Variants in AMER2 observed in about 807,000 individuals in gnomAD.
AMER2 encodes family with sequence similarity 123A.
In AMER2, 1 loss-of-function variant was observed where a neutral mutation model predicts 4.7. That is an observed-to-expected ratio of 0.21 (90% confidence interval 0.07 to 1.00). The LOEUF (loss-of-function observed/expected upper bound fraction) is 1.00. AMER2 is among the 50% of genes least tolerant of loss of function. The pLI is 0.60. For missense variants in AMER2, 988 were observed against 966.9 expected (o/e 1.02, Z -0.29); for synonymous variants, 485 against 433.3 (o/e 1.12, Z -1.48).
chr13:25,171,305 G>A lies in AMER2; in HGVS notation c.315C>T (p.Thr105=). The A allele has an allele frequency of 6.3e-7, 1 of 1,593,274 alleles. No homozygotes were observed. The highest frequency in any genetic ancestry group is 1.4e-5 in the African/African-American group (1 of 72,090). Residue 105 remains threonine, a synonymous_variant, in exon 1 of 1, where the codon ACC becomes ACT. Transcript: ENST00000515384. This position sits in a 1 kb window ranked among gnomAD's most constrained non-coding sequence, Gnocchi z 5.9. ...SGPTGLVRSR[T]HDGLAEVLVL... is the part of the protein sequence containing the mutation. ...CCAGCACCTCGGCAAGTCCGTCGTG[G>A]GTCCTGCTCCTCACCAGCCCCGTCG...
rs1956495874 is a variant in AMER2 at position 25,167,679 on chromosome 13, A to G, written c.*1925T>C. 1 of 152,210 alleles carries G rather than the reference A, an allele frequency of 6.6e-6. No individual in the cohort carries two copies. The highest frequency in any genetic ancestry group is 2.1e-4 in the South Asian group (1 of 4,834). 9.4% of individuals were successfully genotyped at this position (152,210 alleles called of 1,614,324 possible). On this transcript the variant is annotated 3_prime_UTR_variant, in exon 1 of 1. Transcript: ENST00000515384. ...AACATTATGGATCTGAGACAATGCA[A>G]TAAAAGCCAGTCATATGACTAATGA...
In AMER2 at chr13:25,171,073, C is replaced by G. The variant is rs1956565378; in HGVS notation, c.547G>C (p.Ala183Pro). The change falls in exon 1 of 1, where the codon GCG becomes CCG. Residue 183 changes from alanine (A) to proline (P), a missense_variant. Ala to Pro is a conservative substitution (Grantham distance 27, BLOSUM62 -1). Transcript: ENST00000515384. The surrounding 1 kb of genome is among the most constrained non-coding windows in gnomAD (Gnocchi z 5.9). The stretch of plus-strand genomic sequence containing the variant: ...TTTTGTTTGCCGCCGGCCTTGCTCG[C>G]GTCCACAGGCTCTCCCTTGCCGTTT... Reference protein sequence around the residue: ...SENGKGEPVDASKAGGKQKRG... With the variant: ...SENGKGEPVDPSKAGGKQKRG... The G allele has an allele frequency of 1.9e-6, 3 of 1,576,690 alleles. No homozygotes were observed. The highest frequency in any genetic ancestry group is 2.6e-6 in the Non-Finnish European group (3 of 1,162,910).
At position 25,164,927 on chromosome 13, in the gene AMER2, C is replaced by G. The variant is rs1334242910; in HGVS notation, c.*4677G>C. 2.0e-5 allele frequency: 3 copies of G among 152,088 alleles called. No homozygotes were observed. Among genetic ancestry groups the G allele is most frequent in the African/African-American group, 4.8e-5 (2 of 41,400 alleles). 9.4% of individuals were successfully genotyped at this position (152,088 alleles called of 1,614,324 possible). Reference sequence around the variant, plus strand: ...TGTTTTTAATGAATATTAAGAAAATCCAATTACAGCGCAGCTTAGGTGTGA... The same window carrying G: ...TGTTTTTAATGAATATTAAGAAAATGCAATTACAGCGCAGCTTAGGTGTGA... On this transcript the variant is annotated 3_prime_UTR_variant, in exon 1 of 1. Coordinates refer to ENST00000515384, the MANE Select transcript of AMER2 (RefSeq NM_152704.4).
chr13:25,169,389 G>A lies in AMER2; in HGVS notation c.*215C>T, dbSNP rs1956519615. On this transcript the variant is annotated 3_prime_UTR_variant, in exon 1 of 1. Coordinates refer to ENST00000515384, the MANE Select transcript of AMER2 (RefSeq NM_152704.4). This position sits in a 1 kb window ranked among gnomAD's most constrained non-coding sequence, Gnocchi z 4.2. ...AAAATAATTCTCAGGGACTTATCTT[G>A]AGAGGAGAAACCCCCGTGTAGCATC... 2.0e-6 allele frequency: 1 copy of A among 489,694 alleles called. No individual in the cohort carries two copies. The highest frequency in any genetic ancestry group is 3.4e-6 in the Non-Finnish European group (1 of 292,974). 30.3% of individuals were successfully genotyped at this position (489,694 alleles called of 1,614,324 possible). A position where few individuals can be genotyped will look rare whatever the true frequency, so the allele number is the denominator to read the frequency against.
rs1956511046 is a variant in AMER2, at chr13:25,168,838, G to C, written c.*766C>G. On this transcript the variant is annotated 3_prime_UTR_variant, in exon 1 of 1. Coordinates refer to ENST00000515384, the MANE Select transcript of AMER2 (RefSeq NM_152704.4). The stretch of plus-strand genomic sequence containing the variant: ...TGATCCTGATTTCTGCACTGGGTGG[G>C]GGAAGAAACAAACAAAAGCAAAAGC... The C allele has an allele frequency of 6.6e-6, 1 of 152,572 alleles. No individual in the cohort carries two copies. Among genetic ancestry groups the C allele is most frequent in the Admixed American group, 6.5e-5 (1 of 15,280 alleles). The allele number at this position is 152,572 out of a possible 1,614,324, so 9.5% of individuals were successfully genotyped here.
chr13:25,170,375 C>CA lies in AMER2; in HGVS notation c.1244dup (p.Val416GlyfsTer44). ...CTTCCCCGCCTCCTTGGTAGGCCAC[C>CA]ACGCCGGGGTTCTTTTTAGACAGAG... On this transcript the variant is annotated frameshift_variant, in exon 1 of 1. Transcript: ENST00000515384. LOFTEE classifies it low-confidence loss of function (END_TRUNC). The surrounding 1 kb of genome is among the most constrained non-coding windows in gnomAD (Gnocchi z 7.3). 1 of 1,614,110 alleles carries CA rather than the reference C, an allele frequency of 6.2e-7. No individual in the cohort carries two copies. Among genetic ancestry groups the CA allele is most frequent in the Non-Finnish European group, 8.5e-7 (1 of 1,179,990 alleles).
rs770448396 is a variant in AMER2, at chr13:25,169,634, C to T, written c.1986G>A (p.Thr662=). 6.2e-7 allele frequency: 1 copy of T among 1,604,844 alleles called. No homozygotes were observed. Among genetic ancestry groups the T allele is most frequent in the Non-Finnish European group, 8.5e-7 (1 of 1,175,290 alleles). The change falls in exon 1 of 1, where the codon ACG becomes ACA. Residue 662 remains threonine (T), a synonymous_variant. Transcript: ENST00000515384. The surrounding 1 kb of genome is among the most constrained non-coding windows in gnomAD (Gnocchi z 4.2). ...RGLAGTTIRA[T]ACHDSAKKL Reference sequence around the variant, plus strand: ...ACTTTTTGGCACTGTCGTGGCAGGCCGTTGCTCTGATGGTGGTCCCAGCCA... The same window carrying T: ...ACTTTTTGGCACTGTCGTGGCAGGCTGTTGCTCTGATGGTGGTCCCAGCCA...
rs76240729 is a variant in AMER2 at position 25,169,107 on chromosome 13, GT to G, written c.*496del. ...AGCAAAGGGTTTTGTTTTTGTTTTT[GT>G]TTTTTTTTAACTGGAAAGGAAAGAG... On this transcript the variant is annotated 3_prime_UTR_variant, in exon 1 of 1. Coordinates refer to ENST00000515384, the MANE Select transcript of AMER2 (RefSeq NM_152704.4). The surrounding 1 kb of genome is among the most constrained non-coding windows in gnomAD (Gnocchi z 4.2). 3.3e-5 allele frequency: 5 copies of G among 151,470 alleles called. No individual in the cohort carries two copies. Among genetic ancestry groups the G allele is most frequent in the Non-Finnish European group, 5.9e-5 (4 of 67,868 alleles). The allele number at this position is 151,470 out of a possible 1,614,324, so 9.4% of individuals were successfully genotyped here. A position where few individuals can be genotyped will look rare whatever the true frequency, so the allele number is the denominator to read the frequency against.
At position 25,171,473 on chromosome 13, in the gene AMER2, A is replaced by G. The variant is rs1161089886; in HGVS notation, c.147T>C (p.Cys49=). Residue 49 remains cysteine (C), a synonymous_variant, in exon 1 of 1, where the codon TGT becomes TGC. Transcript: ENST00000515384. The surrounding 1 kb of genome is among the most constrained non-coding windows in gnomAD (Gnocchi z 5.9). ...LAADMDLHCD[C]AAETPAAEPP... Reference sequence around the variant, plus strand: ...GCTCGGCGGCCGGCGTTTCGGCGGCACAGTCACAATGCAAGTCCATGTCTG... The same window carrying G: ...GCTCGGCGGCCGGCGTTTCGGCGGCGCAGTCACAATGCAAGTCCATGTCTG... The G allele has an allele frequency of 3.1e-6, 5 of 1,609,926 alleles. No homozygotes were observed. Among genetic ancestry groups the G allele is most frequent in the Non-Finnish European group, 4.2e-6 (5 of 1,179,000 alleles).
Position 25,171,138 on chromosome 13 carries a change from T to A in AMER2, c.482A>T (p.His161Leu), listed in dbSNP as rs1008653352. The change falls in exon 1 of 1, where the codon CAC becomes CTC. Residue 161 changes from histidine (H) to leucine (L), a missense_variant. By Grantham distance (99) the His-to-Leu change is moderately conservative. Transcript: ENST00000515384. The surrounding 1 kb of genome is among the most constrained non-coding windows in gnomAD (Gnocchi z 5.9). ...CTTCTTCAGCAGCGAGAAGAAGCTG[T>A]GCGACTTGGCCACCGAGCTGCTGGC... ...SLASSSVAKSHSFFSLLKKNG... is the reference protein window; with the variant it reads ...SLASSSVAKSLSFFSLLKKNG... 6.4e-7 allele frequency: 1 copy of A among 1,551,220 alleles called. No individual in the cohort carries two copies. The highest frequency in any genetic ancestry group is 1.4e-5 in the African/African-American group (1 of 70,478).
In AMER2 at chr13:25,170,408, G is replaced by T. The variant is rs761050209; in HGVS notation, c.1212C>A (p.Gly404=). 6.5e-5 allele frequency: 105 copies of T among 1,614,016 alleles called. No homozygotes were observed. The highest frequency in any genetic ancestry group is 8.6e-5 in the Non-Finnish European group (101 of 1,180,032). ...PSCDKHVPGP[G]KPALSKKNPG... is the part of the protein sequence containing the mutation. ...GGTTCTTTTTAGACAGAGCCGGCTTGCCTGGCCCGGGGACATGCTTGTCAC... is the reference window on the plus strand; with the variant it reads ...GGTTCTTTTTAGACAGAGCCGGCTTTCCTGGCCCGGGGACATGCTTGTCAC... Residue 404 remains glycine, a synonymous_variant, in exon 1 of 1, where the codon GGC becomes GGA. Transcript: ENST00000515384. The surrounding 1 kb of genome is among the most constrained non-coding windows in gnomAD (Gnocchi z 7.3).
rs577335959 is a variant in AMER2 at position 25,169,467 on chromosome 13, C to T, written c.*137G>A. The T allele has an allele frequency of 9.6e-4, 1,178 of 1,221,540 alleles. 3 individuals carry two copies. In the Middle Eastern group the frequency reaches 0.02, roughly 21 times the overall value. 75.7% of individuals were successfully genotyped at this position (1,221,540 alleles called of 1,614,324 possible). Reference sequence around the variant, plus strand: ...CTCAGGGCACAAAGACCTCCTCGGTCCACGCTCTGGAGCAGGGCGGGGGAC... The same window carrying T: ...CTCAGGGCACAAAGACCTCCTCGGTTCACGCTCTGGAGCAGGGCGGGGGAC... On this transcript the variant is annotated 3_prime_UTR_variant, in exon 1 of 1. Coordinates refer to ENST00000515384, the MANE Select transcript of AMER2 (RefSeq NM_152704.4). This position sits in a 1 kb window ranked among gnomAD's most constrained non-coding sequence, Gnocchi z 4.2.
At position 25,166,183 on chromosome 13, in the gene AMER2, C is replaced by T. The variant is rs1334649324; in HGVS notation, c.*3421G>A. On this transcript the variant is annotated 3_prime_UTR_variant, in exon 1 of 1. Transcript: ENST00000515384. ...GTTATTACCTTCATAGATATTAAAC[C>T]CTTTGTATTTAAATAAGCAGATAAT... 6.6e-6 allele frequency: 1 copy of T among 151,982 alleles called. No individual in the cohort carries two copies. Among genetic ancestry groups the T allele is most frequent in the Non-Finnish European group, 1.5e-5 (1 of 68,008 alleles). 9.4% of individuals were successfully genotyped at this position (151,982 alleles called of 1,614,324 possible). A position where few individuals can be genotyped will look rare whatever the true frequency, so the allele number is the denominator to read the frequency against.
Position 25,171,207 on chromosome 13 carries a change from T to G in AMER2, c.413A>C (p.Asn138Thr), listed in dbSNP as rs562171876. 5 of 1,389,498 alleles carry G rather than the reference T, an allele frequency of 3.6e-6. No individual in the cohort carries two copies. Among genetic ancestry groups the G allele is most frequent in the Non-Finnish European group, 4.6e-6 (5 of 1,076,074 alleles). 86.1% of individuals were successfully genotyped at this position (1,389,498 alleles called of 1,614,324 possible). ...CCCTGCGGCTCTGGGGGGCCCCGGGTTCGGCCGCCCCCCGCCGCCCCCGCC... is the reference window on the plus strand; with the variant it reads ...CCCTGCGGCTCTGGGGGGCCCCGGGGTCGGCCGCCCCCCGCCGCCCCCGCC... ...DSGGGGGGRP[N>T]PGPPRAAGPG... Residue 138 changes from asparagine (N) to threonine (T), a missense_variant, in exon 1 of 1, where the codon AAC becomes ACC. Physicochemically the swap from Asn to Thr is moderately conservative, Grantham distance 65 (BLOSUM62 0). Transcript: ENST00000515384. The surrounding 1 kb of genome is among the most constrained non-coding windows in gnomAD (Gnocchi z 5.9).
Position 25,164,104 on chromosome 13 carries a change from C to CAAAAA in AMER2, c.*5495_*5499dup, listed in dbSNP as rs11286133. 9.8e-5 allele frequency: 6 copies of CAAAAA among 61,494 alleles called. No homozygotes were observed. The highest frequency in any genetic ancestry group is 1.8e-4 in the Admixed American group (1 of 5,706). The allele number at this position is 61,494 out of a possible 1,614,324, so 3.8% of individuals were successfully genotyped here. On this transcript the variant is annotated 3_prime_UTR_variant, in exon 1 of 1. Transcript: ENST00000515384. The stretch of plus-strand genomic sequence containing the variant: ...TGGGTGACAGAGTAAGACTCCATCT[C>CAAAAA]AAAAAAAAAAAAAAAAAAAATTAAA...
chr13:25,171,532 C>G lies in AMER2; in HGVS notation c.88G>C (p.Ala30Pro), dbSNP rs372290519. The G allele has an allele frequency of 6.3e-7, 1 of 1,590,996 alleles. No homozygotes were observed. The highest frequency in any genetic ancestry group is 8.5e-7 in the Non-Finnish European group (1 of 1,174,698). The stretch of plus-strand genomic sequence containing the variant: ...GTCCCGGTCCCGGCCCCGGCCTCCG[C>G]CTTCCTCCTGCAGACCCCCACGGAC... ...GASVGVCRRK[A>P]EAGAGTGTLA... Residue 30 changes from alanine (A) to proline (P), a missense_variant, in exon 1 of 1, where the codon GCG (alanine) becomes CCG (proline). Physicochemically the swap from Ala to Pro is conservative, Grantham distance 27. Transcript: ENST00000515384. The surrounding 1 kb of genome is among the most constrained non-coding windows in gnomAD (Gnocchi z 5.9).
chr13:25,170,997 T>C lies in AMER2; in HGVS notation c.623A>G (p.Lys208Arg). 1 of 1,564,210 alleles carries C rather than the reference T, an allele frequency of 6.4e-7. No homozygotes were observed. The highest frequency in any genetic ancestry group is 8.6e-7 in the Non-Finnish European group (1 of 1,156,772). Residue 208 changes from lysine to arginine, a missense_variant, in exon 1 of 1, where the codon AAG (lysine) becomes AGG (arginine). By Grantham distance (26) the Lys-to-Arg change is conservative (BLOSUM62 2). Coordinates refer to ENST00000515384, the MANE Select transcript of AMER2 (RefSeq NM_152704.4). The surrounding 1 kb of genome is among the most constrained non-coding windows in gnomAD (Gnocchi z 7.3). ...CTCCGCGGCCTCCGCCTTGGCCCGC[T>C]TGTCTTTCCTGTGCCAGCGCATGCC... ...FSGMRWHRKD[K>R]RAKAEAAEGR...
chr13:25,165,933 G>A lies in AMER2; in HGVS notation c.*3671C>T, dbSNP rs564875042. ...CACTTAGGAGACATGAGCTGCCTGA[G>A]TGGATCTCTTCACACCAAGCTAACA... On this transcript the variant is annotated 3_prime_UTR_variant, in exon 1 of 1. Coordinates refer to ENST00000515384, the MANE Select transcript of AMER2 (RefSeq NM_152704.4). The A allele has an allele frequency of 3.2e-4, 48 of 152,256 alleles. No homozygotes were observed. The highest frequency in any genetic ancestry group is 5.7e-4 in the Non-Finnish European group (39 of 68,048). 9.4% of individuals were successfully genotyped at this position (152,256 alleles called of 1,614,324 possible).
In AMER2 at chr13:25,169,649, GGTCCC is replaced by G; in HGVS notation, c.1966_1970del (p.Gly656HisfsTer39). The G allele has an allele frequency of 6.2e-7, 1 of 1,610,524 alleles. No homozygotes were observed. The highest frequency in any genetic ancestry group is 8.5e-7 in the Non-Finnish European group (1 of 1,178,148). On this transcript the variant is annotated frameshift_variant, in exon 1 of 1. Coordinates refer to ENST00000515384, the MANE Select transcript of AMER2 (RefSeq NM_152704.4). LOFTEE classifies it high-confidence loss of function. This position sits in a 1 kb window ranked among gnomAD's most constrained non-coding sequence, Gnocchi z 4.2. ...CGTGGCAGGCCGTTGCTCTGATGGT[GGTCCC>G]AGCCAAGCCCCGGTTGCTGACTCTG...
Sources: gnomAD v4.1 joint callset for allele counts on GRCh38, gnomAD v4.1.1 for gene constraint, Gnocchi (gnomAD v3.1) non-coding constraint, MANE v1.5 for transcripts, NCBI Gene and HGNC (gene_info 2026-07-23, HGNC 2026-07-21) for gene names.